Variants in POLN observed in about 807,000 individuals in gnomAD.
POLN encodes the protein DNA polymerase nu, also known as DNA polymerase N.
In POLN, 108 loss-of-function variants were observed where a neutral mutation model predicts 113.5. The observed-to-expected ratio is 0.95, with a 90% CI of 0.81 to 1.12. The LOEUF (loss-of-function observed/expected upper bound fraction) is 1.12, where lower values mean the gene tolerates loss of function less well. Ranked by LOEUF, POLN falls within the 50% of genes most tolerant of loss-of-function variation. POLN has a pLI of 0.00. For missense variants in POLN, 1,097 were observed against 1,077.1 expected (o/e 1.02, Z -0.26); for synonymous variants, 386 against 391.5 (o/e 0.99, Z 0.17).
At chr4:2,187,536 G>A (rs140050905) in intron 7 of POLN, among the ~76,000 whole-genome samples, 5 of 152,262 alleles carry the variant, frequency 3.3e-5, no homozygotes, top group East Asian at 1.9e-4. Flanking sequence ...GAGCCACTGC[G>A]CCTGGCCCAA....
chr4:2,109,107 T>G (rs1731134991), intron 19 of POLN, among the ~76,000 whole-genome samples: 1 of 152,200 alleles, frequency 6.6e-6, no homozygotes. Flanking sequence ...GAATTAGATG[T>G]GCCAGGGATC....
chr4:2,174,127 T>G, intron 10 of POLN, 108 bp from the exon 11 acceptor site: 1 of 1,037,516 alleles, frequency 9.6e-7, no homozygotes, highest in Non-Finnish European at 1.5e-6. Flanking sequence ...GCAACTGCCA[T>G]TTACTCAGCA....
chr4:2,101,895 T>C (rs1730935837), intron 19 of POLN, among the ~76,000 whole-genome samples: 1 of 152,160 alleles, frequency 6.6e-6, no homozygotes, highest in Admixed American at 6.5e-5. Context: ...GTAGGGGCTC[T>C]TATGCCCCAG....
intron 20 of POLN, among the ~76,000 whole-genome samples, chr4:2,095,337 C>T (rs1560984278): frequency 6.6e-6 from 1 of 152,176 alleles, no homozygotes. Flanking sequence ...CTATCTGCTA[C>T]CCCTGAGATT....
chr4:2,198,520 T>C lies in POLN; in HGVS notation c.908+4A>G, dbSNP rs1244434604. On this transcript the variant is annotated splice_donor_region_variant and intron_variant, in intron 6 of 25. Coordinates refer to ENST00000511885, the MANE Select transcript of POLN (RefSeq NM_181808.4). ...GTGTGAGCCCATGTGTGAAGATTTCTTACCGGGCAAATTGTTGATGTGCCT... is the reference window on the plus strand; with the variant it reads ...GTGTGAGCCCATGTGTGAAGATTTCCTACCGGGCAAATTGTTGATGTGCCT... The C allele has an allele frequency of 6.2e-7, 1 of 1,605,344 alleles. No homozygotes were observed. The highest frequency in any genetic ancestry group is 8.5e-7 in the Non-Finnish European group (1 of 1,174,992).
At chr4:2,204,995 G>GA (rs1327739428) in intron 5 of POLN, among the ~76,000 whole-genome samples, 1 of 152,168 alleles carries the variant, frequency 6.6e-6, no homozygotes, top group Non-Finnish European at 1.5e-5. Flanking sequence ...ACTGAATGGA[G>GA]AAAAGTTGAA....
At chr4:2,112,013 G>C (rs1285774735) in intron 19 of POLN, among the ~76,000 whole-genome samples, 1 of 152,158 alleles carries the variant, frequency 6.6e-6, no homozygotes, top group Admixed American at 6.5e-5. Context: ...AACCAAAACA[G>C]CATGGTACTG....
Position 2,080,163 on chromosome 4 carries a change from T to A in POLN, c.2387+795A>T, listed in dbSNP as rs1730370387. 3.0e-6 allele frequency: 3 copies of A among 985,982 alleles called. No individual in the cohort carries two copies. The South Asian group carries it at 1.4e-4, about 46-fold the overall frequency. The allele number at this position is 985,982 out of a possible 1,614,324, so 61.1% of individuals were successfully genotyped here. A position where few individuals can be genotyped will look rare whatever the true frequency, so the allele number is the denominator to read the frequency against. On this transcript the variant is annotated intron_variant, in intron 23 of 25. Transcript: ENST00000511885. ...AGGGGCTCCGGGACTCCTGAGGGGA[T>A]CCCGCACAAGGAGAACGAGGAGAGG...
chr4:2,182,726 A>T (rs1000278711), intron 7 of POLN, among the ~76,000 whole-genome samples: 6 of 152,168 alleles, frequency 3.9e-5, no homozygotes, highest in Admixed American at 2.6e-4. Context: ...ATGAAAAAAA[A>T]TGAGTAAATC....
chr4:2,171,216 T>C lies in POLN; in HGVS notation c.1375-35A>G, dbSNP rs552493784. 4.5e-6 allele frequency: 7 copies of C among 1,552,010 alleles called. No homozygotes were observed. In the African/African-American group the frequency reaches 6.8e-5, roughly 15 times the overall value. On this transcript the variant is annotated intron_variant, in intron 11 of 25. Transcript: ENST00000511885. Reference sequence around the variant, plus strand: ...TGATACACACAATTAATTTCATTCATAGTTTTCACAATTTAAGATTGTTTA... The same window carrying C: ...TGATACACACAATTAATTTCATTCACAGTTTTCACAATTTAAGATTGTTTA...
At chr4:2,153,902 A>G (rs1235255277) in intron 16 of POLN, among the ~76,000 whole-genome samples, 2 of 151,814 alleles carry the variant, frequency 1.3e-5, no homozygotes, top group African/African-American at 4.8e-5. Context: ...TATAATTTTA[A>G]AAAGCCATTT....
chr4:2,128,068 G>T (rs753542688), intron 19 of POLN, 45 bp downstream of exon 19: 3 of 1,226,336 alleles, frequency 2.4e-6, no homozygotes, highest in South Asian at 2.5e-5. Flanking sequence ...AACTCATGTT[G>T]GCCTTCCTGC....
intron 19 of POLN, among the ~76,000 whole-genome samples, chr4:2,116,551 TAA>T (rs34335060): frequency 1.4e-5 from 2 of 147,530 alleles, no homozygotes; most frequent in African/African-American, 5.0e-5. Flanking sequence ...AATTACCAAT[TAA>T]AAAAAAAAAA....
At chr4:2,081,237 C>T in intron 22 of POLN, 1 of 1,513,858 alleles carries the variant, frequency 6.6e-7, no homozygotes, top group South Asian at 1.2e-5. Context: ...TGCAGGGCAC[C>T]TGGGTTTTGG....
intron 3 of POLN, among the ~76,000 whole-genome samples, chr4:2,217,230 A>G (rs1734135355): frequency 6.6e-6 from 1 of 152,176 alleles, no homozygotes; most frequent in Non-Finnish European, 1.5e-5. Flanking sequence ...CACAAAGTAG[A>G]TAGTCAAGGG....
rs555819685 is a variant in POLN at position 2,179,299 on chromosome 4, A to G, written c.1179+9T>C. 1 of 1,606,646 alleles carries G rather than the reference A, an allele frequency of 6.2e-7. No homozygotes were observed. The highest frequency in any genetic ancestry group is 8.5e-7 in the Non-Finnish European group (1 of 1,176,452). On this transcript the variant is annotated intron_variant, in intron 8 of 25. Transcript: ENST00000511885. ...TAAGGTTGATAAAACTTTATCTTAA[A>G]CAACTCACCACAATATTTCTTGAGG...
intron 20 of POLN, among the ~76,000 whole-genome samples, chr4:2,087,677 T>C (rs1730581078): frequency 1.3e-5 from 2 of 152,242 alleles, no homozygotes; most frequent in Non-Finnish European, 2.9e-5. Flanking sequence ...TTCCAACATC[T>C]GGGTCATCTC....
At chr4:2,173,257 T>C (rs1441674390) in intron 11 of POLN, among the ~76,000 whole-genome samples, 1 of 152,220 alleles carries the variant, frequency 6.6e-6, no homozygotes, top group Non-Finnish European at 1.5e-5. Context: ...TTAAACATTT[T>C]ATTTTAAAGA....
chr4:2,108,470 A>G (rs2108709659), intron 19 of POLN, among the ~76,000 whole-genome samples: 1 of 152,346 alleles, frequency 6.6e-6, no homozygotes, highest in South Asian at 2.1e-4. Context: ...AAGGGATAGA[A>G]TGCAGAATAA....
Sources: gnomAD v4.1 joint callset for allele counts (sites outside exome capture counted in the v4.1 genomes callset) on GRCh38, gnomAD v4.1.1 for gene constraint, MANE v1.5 for transcripts, NCBI Gene and HGNC (gene_info 2026-07-23, HGNC 2026-07-21) for gene names.